AMOTL1: variants seen among roughly 807,000 people sequenced by gnomAD.
AMOTL1 encodes the protein angiomotin like 1, also known as angiomotin-like protein 1.
In AMOTL1, 45 loss-of-function variants were observed where a neutral mutation model predicts 102.9. The observed-to-expected ratio is 0.44, with a 90% CI of 0.34 to 0.56. The LOEUF is 0.56. Ranked by LOEUF, AMOTL1 falls within the 20% of genes least tolerant of loss-of-function variation. The pLI is 0.01. For synonymous variants in AMOTL1, 481 were observed against 484.7 expected (o/e 0.99, Z 0.10); for missense variants, 1,114 against 1,225.6 (o/e 0.91, Z 1.36).
rs142889270 is a variant in AMOTL1, at chr11:94,815,855, A to G, written c.1122-5675A>G. ...TAAAATGACTGGTTAAGAAAGAGGG[A>G]TATTCAGGACAAACCAGAAAGTCCA... On this transcript the variant is annotated intron_variant, in intron 3 of 12. Transcript: ENST00000433060. 7.0e-3 allele frequency among the ~76,000 whole-genome samples: 1,063 copies of G among 152,254 alleles called. 14 individuals are homozygous for G. The highest frequency in any genetic ancestry group is 0.035 in the South Asian group (168 of 4,822).
intron 4 of AMOTL1, among the ~76,000 whole-genome samples, chr11:94,826,588 G>A (rs556831785): frequency 7.9e-5 from 12 of 152,258 alleles, no homozygotes; most frequent in African/African-American, 1.2e-4. Flanking sequence ...TGAAGAGCAC[G>A]TCCTTCTTCA....
At chr11:94,830,743 A>G (rs1268811271) in intron 5 of AMOTL1, among the ~76,000 whole-genome samples, 4 of 152,216 alleles carry the variant, frequency 2.6e-5, no homozygotes, top group East Asian at 3.8e-4. Flanking sequence ...GCAGTCTCCA[A>G]TATGCACAAT....
At chr11:94,779,419 A>G (rs1343033692) in intron 1 of AMOTL1, among the ~76,000 whole-genome samples, 1 of 152,200 alleles carries the variant, frequency 6.6e-6, no homozygotes, top group African/African-American at 2.4e-5. Context: ...TAGATAATAC[A>G]AGTACGCAAG....
intron 1 of AMOTL1, 120 bp downstream of exon 1, chr11:94,768,680 C>T (rs1287796556): frequency 4.2e-6 from 6 of 1,439,456 alleles, no homozygotes; most frequent in Admixed American, 2.2e-5. Context: ...TTCTGGGGGC[C>T]CGGGGCTGAG....
At chr11:94,866,317 G>A (rs1565388505) in intron 11 of AMOTL1, 149 bp downstream of exon 11, 1 of 742,274 alleles carries the variant, frequency 1.3e-6, no homozygotes, top group Admixed American at 2.7e-5. Flanking sequence ...TCATACTTCA[G>A]TTATAGATAT....
intron 5 of AMOTL1, 131 bp downstream of exon 5, chr11:94,830,325 A>C: frequency 1.2e-6 from 1 of 851,382 alleles, no homozygotes; most frequent in Non-Finnish European, 1.7e-6. Context: ...TGTGTATTTC[A>C]ATGATCTGGG....
chr11:94,740,866 G>A, intron 2 of AMOTL1: 1 of 1,109,876 alleles, frequency 9.0e-7, no homozygotes, highest in Non-Finnish European at 1.1e-6. Context: ...ACCTGCGCTT[G>A]AGCTGGTGCT....
chr11:94,793,234 C>G (rs1476372855), intron 1 of AMOTL1, among the ~76,000 whole-genome samples: 2 of 152,166 alleles, frequency 1.3e-5, no homozygotes, highest in African/African-American at 4.8e-5. Flanking sequence ...AAGAAAACAT[C>G]ACACTTTCTT....
rs1953098833 is a variant in AMOTL1, at chr11:94,876,593, C to G, written c.*5798C>G. 2.0e-5 allele frequency: 3 copies of G among 152,596 alleles called. No individual in the cohort carries two copies. The South Asian group carries it at 6.2e-4, about 32-fold the overall frequency. 9.5% of individuals were successfully genotyped at this position (152,596 alleles called of 1,614,324 possible). A position where few individuals can be genotyped will look rare whatever the true frequency, so the allele number is the denominator to read the frequency against. The stretch of plus-strand genomic sequence containing the variant: ...AGCAAATATTGATGCTGTTGGTCAG[C>G]CAAAGATTTTCCTCTCCTTTGCTGC... On this transcript the variant is annotated 3_prime_UTR_variant, in exon 13 of 13. Transcript: ENST00000433060.
At chr11:94,772,647 A>G (rs1245285951) in intron 1 of AMOTL1, among the ~76,000 whole-genome samples, 2 of 152,188 alleles carry the variant, frequency 1.3e-5, no homozygotes, top group Admixed American at 6.5e-5. Context: ...GTTCATGACT[A>G]TTTCACATAA....
intron 2 of AMOTL1, among the ~76,000 whole-genome samples, chr11:94,739,822 G>A (rs1043902257): frequency 2.0e-5 from 3 of 152,302 alleles, no homozygotes; most frequent in Middle Eastern, 6.8e-3. Context: ...GGGGGCTGGG[G>A]GGAGATACAT....
chr11:94,791,380 G>A (rs995625510), intron 1 of AMOTL1, among the ~76,000 whole-genome samples: 2 of 152,228 alleles, frequency 1.3e-5, no homozygotes, highest in African/African-American at 2.4e-5. Flanking sequence ...TCCCCAGAGA[G>A]CTGACTCCTT....
chr11:94,785,035 T>C (rs2135538854), intron 1 of AMOTL1, among the ~76,000 whole-genome samples: 2 of 152,248 alleles, frequency 1.3e-5, no homozygotes, highest in Middle Eastern at 3.4e-3. Flanking sequence ...GAAGGGTGGT[T>C]TCATCAATTG....
intron 1 of AMOTL1, among the ~76,000 whole-genome samples, chr11:94,789,019 G>C (rs1238780314): frequency 2.6e-5 from 4 of 152,130 alleles, no homozygotes; most frequent in Non-Finnish European, 5.9e-5. Flanking sequence ...TGGGAATCTT[G>C]TAAACCCCAC....
chr11:94,761,693 C>G (rs538366600), intron 3 of AMOTL1, among the ~76,000 whole-genome samples: 2 of 152,194 alleles, frequency 1.3e-5, no homozygotes, highest in South Asian at 4.1e-4. Context: ...TAACTTCTTC[C>G]CTCACTTTGA....
intron 2 of AMOTL1, among the ~76,000 whole-genome samples, chr11:94,737,364 T>C (rs1950452025): frequency 6.6e-6 from 1 of 152,200 alleles, no homozygotes; most frequent in Non-Finnish European, 1.5e-5. Flanking sequence ...TAACTCAAAA[T>C]TGTTAAGGGA....
intron 2 of AMOTL1, among the ~76,000 whole-genome samples, chr11:94,735,116 G>C (rs1443890711): frequency 1.3e-5 from 2 of 152,220 alleles, no homozygotes; most frequent in African/African-American, 2.4e-5. Flanking sequence ...CCTTGAGTGA[G>C]AACAGCCTGT....
rs1359643258 is a variant in AMOTL1, at chr11:94,800,950, G to GA, written c.1121+640dup. On this transcript the variant is annotated intron_variant, in intron 3 of 12. Transcript: ENST00000433060. ...ATTGATGGATTCAGCAGCACCTACT[G>GA]AGTGTATGCTGTACTCTGAAGCCCT... Among the ~76,000 whole-genome samples, 3 of 152,190 alleles carry GA rather than the reference G, an allele frequency of 2.0e-5. No individual in the cohort carries two copies. In the East Asian group the frequency reaches 5.8e-4, roughly 29 times the overall value.
chr11:94,848,630 C>A (rs537812623), intron 6 of AMOTL1, among the ~76,000 whole-genome samples: 1 of 152,270 alleles, frequency 6.6e-6, no homozygotes, highest in South Asian at 2.1e-4. Flanking sequence ...GGCTGGGAGA[C>A]CCTGGACAAG....
Sources: allele counts gnomAD v4.1 joint callset (sites outside exome capture counted in the v4.1 genomes callset), GRCh38; gene constraint gnomAD v4.1.1; transcripts MANE v1.5; gene names NCBI Gene and HGNC (gene_info 2026-07-23, HGNC 2026-07-21).